Variants in ASXL1 observed in about 807,000 individuals in gnomAD.
ASXL1 encodes the protein ASXL transcriptional regulator 1.
ASXL1 carries 65 observed loss-of-function variants against 89.1 expected under a neutral mutation model. That is an observed-to-expected ratio of 0.73 (90% CI 0.60 to 0.90). The LOEUF (loss-of-function observed/expected upper bound fraction) is 0.90, where lower values mean the gene tolerates loss of function less well. Among genes scored for constraint, ASXL1 ranks in the 40% least tolerant of loss-of-function variants. ASXL1 has a pLI of 0.00. For missense variants in ASXL1, 1,786 were observed against 1,942.9 expected (o/e 0.92, Z 1.52); for synonymous variants, 739 against 746.9 (o/e 0.99, Z 0.17).
chr20:32,377,534 T>A (rs1329991977), intron 4 of ASXL1, among the ~76,000 whole-genome samples: 1 of 152,174 alleles, frequency 6.6e-6, no homozygotes, highest in Non-Finnish European at 1.5e-5. Context: ...TTTGAGAATT[T>A]TTAGCATCTT....
chr20:32,373,340 G>T (rs924366951), intron 4 of ASXL1, among the ~76,000 whole-genome samples: 6 of 151,998 alleles, frequency 3.9e-5, no homozygotes, highest in African/African-American at 7.2e-5. Context: ...TCGTGCCATT[G>T]CACTCCAGCC....
intron 4 of ASXL1, among the ~76,000 whole-genome samples, chr20:32,423,199 G>A (rs1376385193): frequency 6.6e-6 from 1 of 151,956 alleles, no homozygotes; most frequent in Non-Finnish European, 1.5e-5. Context: ...TGAGGTGGGA[G>A]GATCGCTTGA....
rs2011460031 is a variant in ASXL1, at chr20:32,429,676, A to G, written c.566-225A>G. On this transcript the variant is annotated intron_variant, in intron 7 of 12. Coordinates refer to ENST00000375687, the MANE Select transcript of ASXL1 (RefSeq NM_015338.6). This position sits in a 1 kb window ranked among gnomAD's most constrained non-coding sequence, Gnocchi z 4.9. ...GGATTTGATTATGCCAGTGCTTTGT[A>G]AAAGGTGTAGTGCTATACAAATAAA... 5.6e-6 allele frequency: 4 copies of G among 712,704 alleles called. No individual in the cohort carries two copies. Among genetic ancestry groups the G allele is most frequent in the South Asian group, 5.6e-5 (3 of 53,900 alleles). 44.1% of individuals were successfully genotyped at this position (712,704 alleles called of 1,614,324 possible). A position where few individuals can be genotyped will look rare whatever the true frequency, so the allele number is the denominator to read the frequency against.
chr20:32,366,259 T>C (rs2048202803), intron 1 of ASXL1, 125 bp from the exon 2 acceptor site: 1 of 814,676 alleles, frequency 1.2e-6, no homozygotes. Flanking sequence ...TGAAGTAATT[T>C]TAACTGTGGA....
At position 32,358,676 on chromosome 20, in the gene ASXL1, G is replaced by GCCC. The variant is rs971345309; in HGVS notation, c.-94_-92dup. 4 of 397,152 alleles carry GCCC rather than the reference G, an allele frequency of 1.0e-5. No homozygotes were observed. Among genetic ancestry groups the GCCC allele is most frequent in the African/African-American group, 2.3e-5 (1 of 44,402 alleles). The allele number at this position is 397,152 out of a possible 1,614,324, so 24.6% of individuals were successfully genotyped here. Reference sequence around the variant, plus strand: ...ACCTCGCGCGCCGCCGCTGCCACGCGCCCCCCCCACCGCCGCCGCCGCCCC... The same window carrying GCCC: ...ACCTCGCGCGCCGCCGCTGCCACGCGCCCCCCCCCCCACCGCCGCCGCCGCCCC... On this transcript the variant is annotated 5_prime_UTR_variant, in exon 1 of 13. Transcript: ENST00000375687.
chr20:32,433,030 GA>G, intron 11 of ASXL1, 45 bp downstream of exon 11: 1 of 1,607,674 alleles, frequency 6.2e-7, no homozygotes, highest in Middle Eastern at 1.7e-4. Flanking sequence ...GTTTTGAGGG[GA>G]TAGAGGTAGA....
intron 1 of ASXL1, among the ~76,000 whole-genome samples, chr20:32,364,095 TAAAAATTTGAATCTAACTCTAG>T (rs1183695109): frequency 6.6e-6 from 1 of 152,210 alleles, no homozygotes; most frequent in Non-Finnish European, 1.5e-5. Flanking sequence ...GTTTAGAATG[TAAAAATTTGAATCTAACTCTAG>T]ATCCTGTTCT....
At chr20:32,412,804 C>T (rs1179364833) in intron 4 of ASXL1, among the ~76,000 whole-genome samples, 3 of 151,890 alleles carry the variant, frequency 2.0e-5, no homozygotes, top group Non-Finnish European at 4.4e-5. Flanking sequence ...AGTGATCCTC[C>T]CGCCTTGCCA....
At chr20:32,393,825 T>G (rs1186502933) in intron 4 of ASXL1, among the ~76,000 whole-genome samples, 1 of 151,914 alleles carries the variant, frequency 6.6e-6, no homozygotes, top group East Asian at 1.9e-4. Flanking sequence ...TCTGATGTGG[T>G]GTTTTTTTCG....
intron 4 of ASXL1, among the ~76,000 whole-genome samples, chr20:32,373,452 A>T (rs2048332158): frequency 6.6e-6 from 1 of 152,174 alleles, no homozygotes; most frequent in Non-Finnish European, 1.5e-5. Context: ...AGAATGAAGG[A>T]TGCTTACCTC....
chr20:32,384,794 C>T (rs893112796), intron 4 of ASXL1, among the ~76,000 whole-genome samples: 3 of 151,974 alleles, frequency 2.0e-5, no homozygotes, highest in South Asian at 2.1e-4. Flanking sequence ...AGCACTGGGA[C>T]GATTTTGTGG....
intron 1 of ASXL1, among the ~76,000 whole-genome samples, chr20:32,363,197 A>G (rs2048150412): frequency 6.6e-6 from 1 of 152,192 alleles, no homozygotes; most frequent in South Asian, 2.1e-4. Flanking sequence ...CCCCTGTCTT[A>G]AATTCTCAGG....
chr20:32,428,658 T>A, intron 6 of ASXL1: 1 of 379,798 alleles, frequency 2.6e-6, no homozygotes, highest in Non-Finnish European at 4.7e-6. Flanking sequence ...CATTCTTTTT[T>A]TTTTTTTTTT....
chr20:32,417,908 G>T (rs1215891196), intron 4 of ASXL1, among the ~76,000 whole-genome samples: 2 of 152,068 alleles, frequency 1.3e-5, no homozygotes, highest in East Asian at 3.9e-4. Flanking sequence ...GCCGGGCGCG[G>T]TGACTCATGT....
At chr20:32,403,539 C>T (rs1400338064) in intron 4 of ASXL1, among the ~76,000 whole-genome samples, 3 of 152,066 alleles carry the variant, frequency 2.0e-5, no homozygotes, top group Non-Finnish European at 2.9e-5. Context: ...CTCAGCCTTC[C>T]GGGTAGCTGG....
chr20:32,413,512 C>G (rs942723200), intron 4 of ASXL1, among the ~76,000 whole-genome samples: 5 of 136,068 alleles, frequency 3.7e-5, no homozygotes, highest in African/African-American at 1.3e-4. Context: ...CTGTACAATT[C>G]TTGATGTGTT....
intron 4 of ASXL1, among the ~76,000 whole-genome samples, chr20:32,396,410 T>A (rs773128973): frequency 6.6e-6 from 1 of 152,228 alleles, no homozygotes; most frequent in Non-Finnish European, 1.5e-5. Flanking sequence ...TTTTGAGGCT[T>A]GCTTTTTAGC....
rs772303842 is a variant in ASXL1 at position 32,434,839 on chromosome 20, CG to C, written c.2129del (p.Gly710GlufsTer15). On this transcript the variant is annotated frameshift_variant, in exon 13 of 13. Transcript: ENST00000375687. LOFTEE classifies it low-confidence loss of function (END_TRUNC). ...CTCTAAATGGGGAGCATACCCAGGC[CG>C]GAACTGCCATGTCCAGAGCTAGGAG... ...YPLNGEHTQA[G>X]TAMSRARRED... 5 of 1,614,126 alleles carry C rather than the reference CG, an allele frequency of 3.1e-6. No individual in the cohort carries two copies. The highest frequency in any genetic ancestry group is 1.1e-5 in the South Asian group (1 of 91,084).
intron 4 of ASXL1, among the ~76,000 whole-genome samples, chr20:32,379,213 C>T: frequency 1.0e-5 from 1 of 100,058 alleles, no homozygotes; most frequent in Non-Finnish European, 1.8e-5. Context: ...GAGACAGAGT[C>T]TCCTTCTGTC....
Sources: gnomAD v4.1 joint callset for allele counts (sites outside exome capture counted in the v4.1 genomes callset) on GRCh38, gnomAD v4.1.1 for gene constraint, Gnocchi (gnomAD v3.1) non-coding constraint, MANE v1.5 for transcripts, NCBI Gene and HGNC (gene_info 2026-07-23, HGNC 2026-07-21) for gene names.